LRP2: variants seen among roughly 807,000 people sequenced by gnomAD.
LRP2 encodes the protein low-density lipoprotein receptor-related protein 2.
LRP2 carries 172 observed loss-of-function variants against 531.0 expected under a neutral mutation model. The observed-to-expected ratio is 0.32, with a 90% CI of 0.29 to 0.37. The LOEUF (loss-of-function observed/expected upper bound fraction) is 0.37. LRP2 is among the 10% of genes least tolerant of loss of function. The pLI is 1.00. For missense variants in LRP2, 5,167 were observed against 5,868.3 expected (o/e 0.88, Z 3.90); for synonymous variants, 1,992 against 2,027.6 (o/e 0.98, Z 0.47).
chr2:169,323,629 T>TAAA (rs760860131), intron 1 of LRP2, among the ~76,000 whole-genome samples: 1 of 137,558 alleles, frequency 7.3e-6, no homozygotes. Context: ...TTTGAAGATT[T>TAAA]AAAAAAAAAA....
intron 9 of LRP2, among the ~76,000 whole-genome samples, chr2:169,287,828 CTAAAATAT>C (rs1683897906): frequency 7.1e-6 from 1 of 140,564 alleles, no homozygotes; most frequent in Admixed American, 6.9e-5. Flanking sequence ...CCAAATAGTT[CTAAAATAT>C]TAAAATTTTA....
chr2:169,293,169 A>T (rs1388644217), intron 6 of LRP2, among the ~76,000 whole-genome samples: 3 of 152,216 alleles, frequency 2.0e-5, no homozygotes, highest in Non-Finnish European at 4.4e-5. Flanking sequence ...GAGGGAAATC[A>T]TACATTCTAG....
At chr2:169,154,380 A>T in intron 66 of LRP2, 80 bp downstream of exon 66, 1 of 1,344,542 alleles carries the variant, frequency 7.4e-7, no homozygotes, top group Non-Finnish European at 1.1e-6. Context: ...TCATTAAACA[A>T]TAAATTCCTT....
At chr2:169,173,785 A>G in intron 56 of LRP2, 134 bp downstream of exon 56, 1 of 1,234,708 alleles carries the variant, frequency 8.1e-7, no homozygotes, top group Non-Finnish European at 1.2e-6. Flanking sequence ...GCAGTGCCAG[A>G]GTTTGCAGGG....
intron 34 of LRP2, 76 bp downstream of exon 34, chr2:169,220,378 T>A (rs894293455): frequency 9.4e-7 from 1 of 1,064,222 alleles, no homozygotes; most frequent in Non-Finnish European, 1.5e-6. Context: ...AAATTTGAAA[T>A]CTTCCATTTT....
At position 169,270,907 on chromosome 2, in the gene LRP2, T is replaced by C. The variant is rs1683395767; in HGVS notation, c.2317A>G (p.Thr773Ala). Residue 773 changes from threonine to alanine, a missense_variant, in exon 16 of 79, where the codon ACA (threonine) becomes GCA (alanine). By Grantham distance (58) the Thr-to-Ala change is moderately conservative. This residue lies in a region of LRP2 where 2,811 missense variants were observed against 3,058.0 expected (regional missense o/e 0.92). Transcript: ENST00000649046. ...CACACACACAAACCTTTCTCACCTGTGCCATCAATCTTTTGCTTAAAAATC... is the reference window on the plus strand; with the variant it reads ...CACACACACAAACCTTTCTCACCTGCGCCATCAATCTTTTGCTTAAAAATC... ...HMIFKQKIDG[T>A]GREILAANRV... The C allele has an allele frequency of 1.9e-6, 3 of 1,612,360 alleles. No individual in the cohort carries two copies. The highest frequency in any genetic ancestry group is 2.2e-5 in the East Asian group (1 of 44,820).
At chr2:169,278,843 C>T (rs1461323866) in intron 12 of LRP2, among the ~76,000 whole-genome samples, 2 of 152,130 alleles carry the variant, frequency 1.3e-5, no homozygotes, top group Admixed American at 6.5e-5. Context: ...TGAAGAAAAG[C>T]ATTATCGGTG....
intron 67 of LRP2, among the ~76,000 whole-genome samples, chr2:169,152,101 G>C (rs1387316892): frequency 6.6e-6 from 1 of 152,196 alleles, no homozygotes; most frequent in African/African-American, 2.4e-5. Context: ...TGAAGAATGA[G>C]CTTACTAACT....
intron 4 of LRP2, among the ~76,000 whole-genome samples, chr2:169,302,826 T>C (rs1166274015): frequency 1.3e-5 from 2 of 151,910 alleles, no homozygotes; most frequent in Non-Finnish European, 2.9e-5. Flanking sequence ...TTATGAGACA[T>C]ATCAACTAAC....
At chr2:169,243,645 T>C (rs1689894823) in intron 22 of LRP2, 123 bp from the exon 23 acceptor site, 1 of 1,140,910 alleles carries the variant, frequency 8.8e-7, no homozygotes, top group Non-Finnish European at 1.3e-6. Context: ...CAAAATTCTT[T>C]TGAATCAGCC....
At chr2:169,228,863 G>T (rs1236667608) in intron 31 of LRP2, among the ~76,000 whole-genome samples, 1 of 152,186 alleles carries the variant, frequency 6.6e-6, no homozygotes, top group African/African-American at 2.4e-5. Flanking sequence ...GCAGGGAGAT[G>T]CCTGAAAAGT....
intron 3 of LRP2, among the ~76,000 whole-genome samples, chr2:169,310,516 T>C (rs1194200338): frequency 6.6e-6 from 1 of 152,210 alleles, no homozygotes. Flanking sequence ...TTGATTTGCG[T>C]ATGTTGAACC....
chr2:169,202,363 G>T (rs545584302), intron 43 of LRP2, among the ~76,000 whole-genome samples: 1 of 152,090 alleles, frequency 6.6e-6, no homozygotes, highest in Non-Finnish European at 1.5e-5. Flanking sequence ...AAAATGATAC[G>T]TTTCCTTAGT....
chr2:169,327,182 T>TG (rs1395861104), intron 1 of LRP2, among the ~76,000 whole-genome samples: 10 of 105,274 alleles, frequency 9.5e-5, no homozygotes, highest in Admixed American at 2.0e-4. Context: ...AGGAGGGAGG[T>TG]GGGGGGGTCA....
intron 34 of LRP2, among the ~76,000 whole-genome samples, chr2:169,217,216 C>T (rs775668109): frequency 1.4e-4 from 22 of 152,144 alleles, no homozygotes; most frequent in Admixed American, 5.9e-4. Flanking sequence ...ATATCTTCAA[C>T]AGACAATTCT....
chr2:169,304,668 G>C (rs1185893872), intron 4 of LRP2, among the ~76,000 whole-genome samples: 1 of 152,086 alleles, frequency 6.6e-6, no homozygotes, highest in Non-Finnish European at 1.5e-5. Context: ...AAACTTGCCA[G>C]AGTTTAGTCT....
At chr2:169,284,256 C>CTCTT (rs1553508684) in intron 9 of LRP2, among the ~76,000 whole-genome samples, 8,779 of 96,762 alleles carry the variant, frequency 0.091, 2,167 homozygotes, top group Non-Finnish European at 0.11. Flanking sequence ...TCTTTTTTTT[C>CTCTT]TTTTTTTTTT....
In LRP2 at chr2:169,139,249, A is replaced by T; in HGVS notation, c.13388+2T>A. 6.2e-7 allele frequency: 1 copy of T among 1,614,130 alleles called. No individual in the cohort carries two copies. Among genetic ancestry groups the T allele is most frequent in the Non-Finnish European group, 8.5e-7 (1 of 1,180,006 alleles). On this transcript the variant is annotated splice_donor_variant, in intron 74 of 78. Transcript: ENST00000649046. LOFTEE classifies it high-confidence loss of function. The stretch of plus-strand genomic sequence containing the variant: ...ATCAACGTTCCCCATAATGAAACTG[A>T]CCTTGGCAGCTTGGGCAGAGCAGGC...
chr2:169,306,018 C>T (rs1684405409), intron 4 of LRP2, among the ~76,000 whole-genome samples: 1 of 152,052 alleles, frequency 6.6e-6, no homozygotes, highest in African/African-American at 2.4e-5. Context: ...GTTCACACAA[C>T]AACAAAATTG....
Sources: allele counts gnomAD v4.1 joint callset (sites outside exome capture counted in the v4.1 genomes callset), GRCh38; gene constraint gnomAD v4.1.1; regional missense constraint gnomAD v4.1.1; transcripts MANE v1.5; gene names NCBI Gene and HGNC (gene_info 2026-07-23, HGNC 2026-07-21).